The following CEP95 variants were observed in gnomAD, a reference collection of about 807,000 sequenced individuals.
CEP95 encodes the protein centrosomal protein of 95 kDa.
In CEP95, 98 loss-of-function variants were observed where a neutral mutation model predicts 111.2. The ratio of observed to expected loss-of-function variants is 0.88; its 90% confidence interval spans 0.75 to 1.04. CEP95 has a LOEUF of 1.04. CEP95 is among the 50% of genes least tolerant of loss of function. The probability of loss-of-function intolerance (pLI) is 0.00; values close to 1 mark genes in which losing one functional copy is unlikely to be tolerated. For synonymous variants in CEP95, 323 were observed against 327.1 expected (o/e 0.99, Z 0.14); for missense variants, 1,027 against 977.2 (o/e 1.05, Z -0.68).
At position 64,537,790 on chromosome 17, in the gene CEP95, G is replaced by GA. The variant is rs1555681975; in HGVS notation, c.*12dup. 6.5e-7 allele frequency: 1 copy of GA among 1,542,170 alleles called. No homozygotes were observed. The highest frequency in any genetic ancestry group is 2.3e-5 in the East Asian group (1 of 42,996). ...AGTCCCTCCCTATGAGGCCAGACTT[G>GA]ATAATAGTAGGTGAAGGTTCTGGAG... On this transcript the variant is annotated 3_prime_UTR_variant, in exon 20 of 20. Coordinates refer to ENST00000556440, the MANE Select transcript of CEP95 (RefSeq NM_138363.3).
chr17:64,526,187 C>T lies in CEP95; in HGVS notation c.1139C>T (p.Ser380Phe), dbSNP rs782628418. 1.2e-6 allele frequency: 2 copies of T among 1,612,504 alleles called. No homozygotes were observed. The highest frequency in any genetic ancestry group is 1.7e-6 in the Non-Finnish European group (2 of 1,179,468). ...DVSEKLSQRL[S>F]ELDWMLKSAL... is the part of the protein sequence containing the mutation. ...TCAGAAAAACTCTCTCAGCGGCTTTCTGAACTAGATTGGGCAAGTCTTGTT... is the reference window on the plus strand; with the variant it reads ...TCAGAAAAACTCTCTCAGCGGCTTTTTGAACTAGATTGGGCAAGTCTTGTT... The change falls in exon 10 of 20, where the codon TCT becomes TTT. Residue 380 changes from serine to phenylalanine, a missense_variant. Coordinates refer to ENST00000556440, the MANE Select transcript of CEP95 (RefSeq NM_138363.3).
At chr17:64,521,863 T>C (rs964157663) in intron 7 of CEP95, among the ~76,000 whole-genome samples, 1 of 152,090 alleles carries the variant, frequency 6.6e-6, no homozygotes, top group Non-Finnish European at 1.5e-5. Context: ...AACATTCTTT[T>C]TTTATTGTTT....
intron 19 of CEP95, 94 bp downstream of exon 19, chr17:64,537,206 T>A (rs782188877): frequency 3.2e-6 from 5 of 1,542,910 alleles, no homozygotes; most frequent in Non-Finnish European, 4.4e-6. Flanking sequence ...CAATAGGCTG[T>A]ATCATATAGC....
rs1054024784 is a variant in CEP95, at chr17:64,530,933, C to A, written c.1454C>A (p.Thr485Asn). 6.5e-7 allele frequency: 1 copy of A among 1,547,704 alleles called. No homozygotes were observed. Among genetic ancestry groups the A allele is most frequent in the Non-Finnish European group, 8.8e-7 (1 of 1,142,506 alleles). The change falls in exon 13 of 20, where the codon ACT (threonine) becomes AAT (asparagine). Residue 485 changes from threonine (T) to asparagine (N), a missense_variant. Coordinates refer to ENST00000556440, the MANE Select transcript of CEP95 (RefSeq NM_138363.3). ...DVRQFQAQAF[T>N]EAFERELRRH... ...TGACCTTTTCCCCTTTAGGCGTTTACTGAAGCATTTGAAAGGGAACTAAGA... is the reference window on the plus strand; with the variant it reads ...TGACCTTTTCCCCTTTAGGCGTTTAATGAAGCATTTGAAAGGGAACTAAGA...
At chr17:64,517,433 G>A (rs1482519540) in intron 5 of CEP95, among the ~76,000 whole-genome samples, 1 of 152,048 alleles carries the variant, frequency 6.6e-6, no homozygotes, top group Non-Finnish European at 1.5e-5. Context: ...AATCTATTCC[G>A]AACTAAATAA....
At position 64,534,699 on chromosome 17, in the gene CEP95, T is replaced by G; in HGVS notation, c.2032T>G (p.Cys678Gly). 6.2e-7 allele frequency: 1 copy of G among 1,613,056 alleles called. No individual in the cohort carries two copies. The highest frequency in any genetic ancestry group is 1.7e-4 in the Middle Eastern group (1 of 6,058). ...TTATGATGATTATAGAGTTCAGTTG[T>G]GTGCAAAAATGATGAGAATGAGGAC... is the stretch of plus-strand genomic sequence containing the variant. The part of the protein sequence containing the change: ...KYYDDYRVQL[C>G]AKMMRMRTRE... Residue 678 changes from cysteine to glycine, a missense_variant, in exon 17 of 20, where the codon TGT (cysteine) becomes GGT (glycine). Cys to Gly is a radical substitution (Grantham distance 159). Transcript: ENST00000556440.
intron 1 of CEP95, chr17:64,507,421 C>G: frequency 7.4e-7 from 1 of 1,355,992 alleles, no homozygotes; most frequent in Non-Finnish European, 9.5e-7. Flanking sequence ...TTCTGTGGGG[C>G]GTCTAGCCGC....
intron 18 of CEP95, 52 bp downstream of exon 18, chr17:64,536,800 C>T (rs1303165386): frequency 1.9e-6 from 3 of 1,552,296 alleles, no homozygotes; most frequent in Non-Finnish European, 1.7e-6. Flanking sequence ...GACCACTTGC[C>T]CTTGTGGCAA....
At chr17:64,518,263 CTAAAG>C (rs201842493) in intron 5 of CEP95, among the ~76,000 whole-genome samples, 226 of 152,322 alleles carry the variant, frequency 1.5e-3, no homozygotes, top group African/African-American at 4.6e-3. Flanking sequence ...AGCCATTCCT[CTAAAG>C]TAGAGAGTTT....
At chr17:64,537,242 C>T in intron 19 of CEP95, 130 bp downstream of exon 19, 23 of 1,442,722 alleles carry the variant, frequency 1.6e-5, no homozygotes, top group Non-Finnish European at 1.7e-5. Flanking sequence ...ACTGTACTCT[C>T]TAGGTTTGTG....
intron 17 of CEP95, chr17:64,535,952 A>T (rs1313424512): frequency 6.6e-6 from 1 of 152,212 alleles, no homozygotes; most frequent in Admixed American, 6.5e-5. Context: ...GAAAGAAACC[A>T]AATACGAAAG....
intron 12 of CEP95, among the ~76,000 whole-genome samples, chr17:64,530,371 C>T (rs560388768): frequency 1.3e-5 from 2 of 152,036 alleles, no homozygotes; most frequent in South Asian, 4.2e-4. Context: ...GGCGAGAGTG[C>T]GACTGTCTCA....
chr17:64,515,844 T>G (rs1167626611), intron 4 of CEP95: 2 of 152,186 alleles, frequency 1.3e-5, no homozygotes, highest in East Asian at 3.9e-4. Flanking sequence ...GCAGGGCAGC[T>G]TCAACCTGGG....
At chr17:64,522,920 T>C (rs782598302) in intron 8 of CEP95, 25 bp downstream of exon 8, 9 of 1,564,448 alleles carry the variant, frequency 5.8e-6, no homozygotes, top group South Asian at 1.2e-5. Context: ...TTACTTTCAG[T>C]TGGCTAGAAG....
At chr17:64,537,447 T>C in intron 19 of CEP95, 156 bp from the exon 20 acceptor site, 5 of 1,382,056 alleles carry the variant, frequency 3.6e-6, no homozygotes, top group Non-Finnish European at 4.7e-6. Flanking sequence ...TTTTATCCTA[T>C]GATTTTAACT....
chr17:64,529,945 G>A (rs567725340), intron 12 of CEP95, among the ~76,000 whole-genome samples: 2 of 152,298 alleles, frequency 1.3e-5, no homozygotes, highest in African/African-American at 4.8e-5. Flanking sequence ...ATTTATAATG[G>A]TGAAAAACTA....
intron 3 of CEP95, 100 bp downstream of exon 3, chr17:64,510,380 A>T: frequency 1.4e-6 from 1 of 736,928 alleles, no homozygotes; most frequent in Non-Finnish European, 2.4e-6. Context: ...GAGCTTATGG[A>T]GTAGACCAAA....
intron 1 of CEP95, chr17:64,507,883 A>C (rs1476753443): frequency 1.0e-6 from 1 of 985,332 alleles, no homozygotes; most frequent in African/African-American, 1.7e-5. Context: ...AAGCTAAGTT[A>C]CTTTTGGTAC....
At position 64,522,887 on chromosome 17, in the gene CEP95, T is replaced by G. The variant is rs530062676; in HGVS notation, c.901T>G (p.Phe301Val). 1 of 1,607,070 alleles carries G rather than the reference T, an allele frequency of 6.2e-7. No individual in the cohort carries two copies. Among genetic ancestry groups the G allele is most frequent in the African/African-American group, 1.3e-5 (1 of 74,906 alleles). The change falls in exon 8 of 20, where the codon TTT (phenylalanine) becomes GTT (valine). Residue 301 changes from phenylalanine (F) to valine (V), a missense_variant. Transcript: ENST00000556440. ...AVNSTGEHTE[F>V]SGDLDDGLFL... ...AAATTCTACTGGAGAGCATACGGAA[T>G]TTTCTGGGGTAAGTGGAAAAGCTTA...
Sources: allele counts gnomAD v4.1 joint callset (sites outside exome capture counted in the v4.1 genomes callset), GRCh38; gene constraint gnomAD v4.1.1; transcripts MANE v1.5; gene names NCBI Gene and HGNC (gene_info 2026-07-23, HGNC 2026-07-21).